MMP8: variants seen among roughly 807,000 people sequenced by gnomAD.
MMP8 encodes matrix metallopeptidase 8, also known as neutrophil collagenase.
MMP8 carries 67 observed loss-of-function variants against 51.2 expected under a neutral mutation model. That is an observed-to-expected ratio of 1.31 (90% CI 1.08 to 1.60). MMP8 has a LOEUF of 1.60. Among genes scored for constraint, MMP8 ranks in the 40% most tolerant of loss-of-function variants. The probability of loss-of-function intolerance (pLI) is 0.00; values close to 1 mark genes in which losing one functional copy is unlikely to be tolerated. For synonymous variants in MMP8, 225 were observed against 191.0 expected, an observed-to-expected ratio of 1.18 and a Z score of -1.47; for missense variants, 654 against 558.1, an observed-to-expected ratio of 1.17 and a Z score of -1.73.
At chr11:102,714,815 T>G in intron 7 of MMP8, 106 bp from the exon 8 acceptor site, 1 of 270,494 alleles carries the variant, frequency 3.7e-6, no homozygotes, top group Non-Finnish European at 6.4e-6. Context: ...TACCACTTCT[T>G]GGTCTTGCAC....
chr11:102,717,948 A>G (rs1173812396), intron 5 of MMP8, among the ~76,000 whole-genome samples: 1 of 152,128 alleles, frequency 6.6e-6, no homozygotes. Context: ...CTCTACTGAA[A>G]ATACAAAAAT....
chr11:102,718,333 G>A lies in MMP8; in HGVS notation c.784+81C>T, dbSNP rs891478448. The A allele has an allele frequency of 1.0e-5, 14 of 1,398,060 alleles. No individual in the cohort carries two copies. In the African/African-American group the frequency reaches 1.4e-4, roughly 14 times the overall value. 86.6% of individuals were successfully genotyped at this position (1,398,060 alleles called of 1,614,324 possible). A position where few individuals can be genotyped will look rare whatever the true frequency, so the allele number is the denominator to read the frequency against. ...TTTATGGAAACTGCAGAAGTGCAAAGGAAGAGATATTCAGATTCTGGGAGT... is the reference window on the plus strand; with the variant it reads ...TTTATGGAAACTGCAGAAGTGCAAAAGAAGAGATATTCAGATTCTGGGAGT... On this transcript the variant is annotated intron_variant, in intron 5 of 9. Transcript: ENST00000236826.
At chr11:102,720,561 T>C (rs1198310621) in intron 4 of MMP8, among the ~76,000 whole-genome samples, 1 of 152,216 alleles carries the variant, frequency 6.6e-6, no homozygotes, top group Non-Finnish European at 1.5e-5. Context: ...TCTGATTATT[T>C]TCTAAAAGTG....
At chr11:102,714,172 T>C (rs905514371) in intron 8 of MMP8, among the ~76,000 whole-genome samples, 1 of 152,214 alleles carries the variant, frequency 6.6e-6, no homozygotes, top group African/African-American at 2.4e-5. Flanking sequence ...TATATAGATA[T>C]ATAAACATAC....
At chr11:102,716,232 C>T in intron 6 of MMP8, 70 bp downstream of exon 6, 1 of 1,139,066 alleles carries the variant, frequency 8.8e-7, no homozygotes, top group East Asian at 2.5e-5. Context: ...TAACGTGTGA[C>T]TTAATTTGAA....
Position 102,722,517 on chromosome 11 carries a change from T to G in MMP8, c.259A>C (p.Lys87Gln), listed in dbSNP as rs1940475. The change falls in exon 2 of 10, where the codon AAA becomes CAA. Residue 87 changes from lysine (K) to glutamine (Q), a missense_variant. By Grantham distance (53) the Lys-to-Gln change is moderately conservative. Transcript: ENST00000236826. ...TCAGGCACTCCACAGCGAGGCTTTT[T>G]CATCATGTCCAGAGTTTCCTCATTT... is the stretch of plus-strand genomic sequence containing the variant. ...KPNEETLDMMKKPRCGVPDSG... is the reference protein window; with the variant it reads ...KPNEETLDMMQKPRCGVPDSG... 3 of 1,613,592 alleles carry G rather than the reference T, an allele frequency of 1.9e-6. No homozygotes were observed. Among genetic ancestry groups the G allele is most frequent in the Admixed American group, 1.7e-5 (1 of 59,952 alleles).
rs1438773298 is a variant in MMP8, at chr11:102,721,426, T to C, written c.597A>G (p.Glu199=). ...GIGGDAHFDA[E]ETWTNTSANY... is the part of the protein sequence containing the mutation. ...TTGCGGAGGTGTTGGTCCATGTTTC[T>C]TCGGCATCAAAATGAGCATCTCCTC... The change falls in exon 4 of 10, where the codon GAA becomes GAG. Residue 199 remains glutamate (E), a synonymous_variant. Coordinates refer to ENST00000236826, the MANE Select transcript of MMP8 (RefSeq NM_002424.3). The C allele has an allele frequency of 1.2e-6, 2 of 1,613,738 alleles. No homozygotes were observed. The highest frequency in any genetic ancestry group is 1.1e-5 in the South Asian group (1 of 91,086).
In MMP8 at chr11:102,718,544, T is replaced by A; in HGVS notation, c.654A>T (p.Glu218Asp). The stretch of plus-strand genomic sequence containing the variant: ...GAGCGAGCCCCAAAGAATGGCCAAA[T>A]TCATGAGCAGCAACAAGAAACAAGT... Reference protein sequence around the residue: ...NYNLFLVAAHEFGHSLGLAHS... With the variant: ...NYNLFLVAAHDFGHSLGLAHS... The change falls in exon 5 of 10, where the codon GAA becomes GAT. Residue 218 changes from glutamate (E) to aspartate (D), a missense_variant. Glu to Asp is a conservative substitution (Grantham distance 45). Coordinates refer to ENST00000236826, the MANE Select transcript of MMP8 (RefSeq NM_002424.3). 2 of 1,613,860 alleles carry A rather than the reference T, an allele frequency of 1.2e-6. No individual in the cohort carries two copies. The highest frequency in any genetic ancestry group is 1.7e-6 in the Non-Finnish European group (2 of 1,179,852).
intron 1 of MMP8, 71 bp downstream of exon 1, chr11:102,724,683 A>C: frequency 3.8e-6 from 5 of 1,327,498 alleles, no homozygotes; most frequent in Non-Finnish European, 5.1e-6. Context: ...TTTAATTAAC[A>C]AGAGAAAACA....
At chr11:102,714,930 T>C (rs1216876920) in intron 7 of MMP8, among the ~76,000 whole-genome samples, 2 of 151,694 alleles carry the variant, frequency 1.3e-5, no homozygotes, top group Non-Finnish European at 2.9e-5. Context: ...CTATAAAAAA[T>C]AAAAACTTCT....
intron 4 of MMP8, among the ~76,000 whole-genome samples, chr11:102,720,413 G>C (rs1861433422): frequency 6.6e-6 from 1 of 152,124 alleles, no homozygotes; most frequent in South Asian, 2.1e-4. Flanking sequence ...GGAATGGAGA[G>C]GAGCTGAGGG....
At chr11:102,716,474 T>A in intron 5 of MMP8, 55 bp from the exon 6 acceptor site, 1 of 1,139,642 alleles carries the variant, frequency 8.8e-7, no homozygotes. Flanking sequence ...GTAAGTCCGG[T>A]GTGACTCTTG....
chr11:102,724,496 A>T (rs900946696), intron 1 of MMP8, among the ~76,000 whole-genome samples: 6 of 152,202 alleles, frequency 3.9e-5, no homozygotes, highest in African/African-American at 1.4e-4. Flanking sequence ...TCTTCTACAA[A>T]AGTTTCCCAA....
Position 102,713,863 on chromosome 11 carries a change from A to T in MMP8, c.1191-6T>A. 6.3e-7 allele frequency: 1 copy of T among 1,599,466 alleles called. No homozygotes were observed. The highest frequency in any genetic ancestry group is 1.1e-5 in the South Asian group (1 of 87,724). ...ATTGTCTTTGGTTATCATATCTGGT[A>T]AAAACAAAATGTTATCCGATTTAAC... is the stretch of plus-strand genomic sequence containing the variant. On this transcript the variant is annotated splice_region_variant and splice_polypyrimidine_tract_variant and intron_variant, in intron 8 of 9. Coordinates refer to ENST00000236826, the MANE Select transcript of MMP8 (RefSeq NM_002424.3).
intron 1 of MMP8, 135 bp downstream of exon 1, chr11:102,724,619 A>G (rs1406368525): frequency 3.9e-6 from 3 of 764,202 alleles, no homozygotes; most frequent in Non-Finnish European, 4.0e-6. Context: ...CCAAATCACT[A>G]AAAGGAGATG....
At position 102,722,650 on chromosome 11, in the gene MMP8, T is replaced by C. The variant is rs758579134; in HGVS notation, c.126A>G (p.Gln42=). The C allele has an allele frequency of 1.3e-5, 21 of 1,613,634 alleles. No homozygotes were observed. In the African/African-American group the frequency reaches 1.9e-4, roughly 14 times the overall value. Residue 42 remains glutamine, a synonymous_variant, in exon 2 of 10, where the codon CAA becomes CAG. Coordinates refer to ENST00000236826, the MANE Select transcript of MMP8 (RefSeq NM_002424.3). ...TVQDYLEKFY[Q]LPSNQYQSTR... is the part of the protein sequence containing the mutation. ...TAGACTGATACTGGTTGCTTGGTAA[T>C]TGGTAGAACTTTTCCAGGTAGTCCT...
In MMP8 at chr11:102,712,599, T is replaced by C. The variant is rs1443908065; in HGVS notation, c.*749A>G. 1 of 152,284 alleles carries C rather than the reference T, an allele frequency of 6.6e-6. No individual in the cohort carries two copies. The highest frequency in any genetic ancestry group is 1.5e-5 in the Non-Finnish European group (1 of 68,090). 9.4% of individuals were successfully genotyped at this position (152,284 alleles called of 1,614,324 possible). A position where few individuals can be genotyped will look rare whatever the true frequency, so the allele number is the denominator to read the frequency against. On this transcript the variant is annotated 3_prime_UTR_variant, in exon 10 of 10. Coordinates refer to ENST00000236826, the MANE Select transcript of MMP8 (RefSeq NM_002424.3). ...GGTGGCTTACAGTCCTTGGAATTCC[T>C]TGGCTTGGAGATGCGTCACTCCAAT... is the stretch of plus-strand genomic sequence containing the variant.
intron 4 of MMP8, 75 bp downstream of exon 4, chr11:102,721,326 G>C: frequency 6.5e-7 from 1 of 1,540,156 alleles, no homozygotes; most frequent in Non-Finnish European, 8.9e-7. Flanking sequence ...TATTGTGTGT[G>C]TGTGTGTGTG....
intron 1 of MMP8, chr11:102,723,216 T>C (rs548428111): frequency 2.4e-6 from 1 of 419,846 alleles, no homozygotes; most frequent in East Asian, 7.1e-5. Context: ...AACAGCAATA[T>C]CATTGATATT....
Sources: gnomAD v4.1 joint callset for allele counts (sites outside exome capture counted in the v4.1 genomes callset) on GRCh38, gnomAD v4.1.1 for gene constraint, MANE v1.5 for transcripts, NCBI Gene and HGNC (gene_info 2026-07-23, HGNC 2026-07-21) for gene names.